The following SMCHD1 variants were observed in gnomAD, a reference collection of about 807,000 sequenced individuals.
The protein encoded by SMCHD1 is structural maintenance of chromosomes flexible hinge domain containing 1.
In SMCHD1, 78 loss-of-function variants were observed where a neutral mutation model predicts 254.7. The observed-to-expected ratio is 0.31, with a 90% CI of 0.26 to 0.37. SMCHD1 has a LOEUF of 0.37. Among genes scored for constraint, SMCHD1 ranks in the 10% least tolerant of loss-of-function variants. The probability of loss-of-function intolerance (pLI) is 1.00; values close to 1 mark genes in which losing one functional copy is unlikely to be tolerated. For missense variants in SMCHD1, 1,840 were observed against 2,408.1 expected (o/e 0.76, Z 4.94); for synonymous variants, 766 against 794.9 (o/e 0.96, Z 0.61).
At position 2,775,867 on chromosome 18, in the gene SMCHD1, G is replaced by A; in HGVS notation, c.5309G>A (p.Arg1770His). The A allele has an allele frequency of 1.9e-6, 3 of 1,611,506 alleles. No homozygotes were observed. Among genetic ancestry groups the A allele is most frequent in the Non-Finnish European group, 1.7e-6 (2 of 1,179,092 alleles). ...CGTATCTATGATGAAACCCAAGGTC[G>A]TCAGCAGGTGTTGCCCCTTGATTCT... is the stretch of plus-strand genomic sequence containing the variant. ...ARRIYDETQG[R>H]QQVLPLDSIY... is the part of the protein sequence containing the mutation. Residue 1770 changes from arginine to histidine, a missense_variant, in exon 42 of 48, where the codon CGT (arginine) becomes CAT (histidine). This residue lies in a region of SMCHD1 where 114 missense variants were observed against 217.6 expected (regional missense o/e 0.52). Transcript: ENST00000320876.
intron 3 of SMCHD1, among the ~76,000 whole-genome samples, chr18:2,669,220 G>A (rs1370434291): frequency 2.0e-5 from 3 of 152,078 alleles, no homozygotes; most frequent in African/African-American, 7.2e-5. Flanking sequence ...TTTGGTGCAT[G>A]CCTTGTTTAG....
intron 15 of SMCHD1, 176 bp from the exon 16 acceptor site, chr18:2,707,387 A>C: frequency 5.4e-6 from 2 of 369,210 alleles, no homozygotes; most frequent in East Asian, 4.1e-5. Context: ...TTCAGTAGCC[A>C]CAGGAATGGT....
intron 8 of SMCHD1, among the ~76,000 whole-genome samples, chr18:2,695,478 T>C (rs865857959): frequency 8.6e-5 from 13 of 151,874 alleles, no homozygotes; most frequent in African/African-American, 2.7e-4. Flanking sequence ...CTCAACTAAT[T>C]TTTGTATTTT....
chr18:2,664,019 C>G (rs966568029), intron 1 of SMCHD1, among the ~76,000 whole-genome samples: 1 of 151,898 alleles, frequency 6.6e-6, no homozygotes, highest in Non-Finnish European at 1.5e-5. Flanking sequence ...CCGGCCTATT[C>G]CAGGATATTT....
chr18:2,719,221 C>T (rs1451086590), intron 19 of SMCHD1, among the ~76,000 whole-genome samples: 4 of 150,416 alleles, frequency 2.7e-5, no homozygotes, highest in Non-Finnish European at 1.5e-5. Flanking sequence ...TTTTCTGTTC[C>T]TTTCCTTTCT....
At position 2,666,164 on chromosome 18, in the gene SMCHD1, G is replaced by A. The variant is rs981876921; in HGVS notation, c.194G>A (p.Gly65Asp). Reference protein sequence around the residue: ...GFRACVCQTLGISPEEKFVIT... With the variant: ...GFRACVCQTLDISPEEKFVIT... ...ATTTCTTATTTTGGATAGACACTTGGCATTTCACCTGAAGAAAAATTTGTT... is the reference window on the plus strand; with the variant it reads ...ATTTCTTATTTTGGATAGACACTTGACATTTCACCTGAAGAAAAATTTGTT... The change falls in exon 2 of 48, where the codon GGC becomes GAC. Residue 65 changes from glycine (G) to aspartate (D), a missense_variant. Physicochemically the swap from Gly to Asp is moderately conservative, Grantham distance 94. Transcript: ENST00000320876. The A allele has an allele frequency of 4.0e-6, 6 of 1,494,828 alleles. No homozygotes were observed. Among genetic ancestry groups the A allele is most frequent in the Admixed American group, 1.7e-5 (1 of 57,498 alleles). The allele number at this position is 1,494,828 out of a possible 1,614,324, so 92.6% of individuals were successfully genotyped here. A position where few individuals can be genotyped will look rare whatever the true frequency, so the allele number is the denominator to read the frequency against.
intron 34 of SMCHD1, 28 bp downstream of exon 34, chr18:2,752,580 A>AG: frequency 2.1e-6 from 3 of 1,416,760 alleles, no homozygotes; most frequent in Non-Finnish European, 3.0e-6. Flanking sequence ...TCATATTTTG[A>AG]ATACATATCT....
chr18:2,699,121 TC>T (rs2074344664), intron 10 of SMCHD1, among the ~76,000 whole-genome samples: 1 of 152,164 alleles, frequency 6.6e-6, no homozygotes, highest in South Asian at 2.1e-4. Flanking sequence ...CAACCAGAGA[TC>T]CTGATTCGAA....
chr18:2,729,942 G>A (rs1231358480), intron 24 of SMCHD1, among the ~76,000 whole-genome samples: 1 of 152,058 alleles, frequency 6.6e-6, no homozygotes, highest in Admixed American at 6.6e-5. Context: ...TCAACTTCCT[G>A]TCCACAAGCA....
At chr18:2,794,858 T>C (rs2076230006) in intron 45 of SMCHD1, among the ~76,000 whole-genome samples, 1 of 152,178 alleles carries the variant, frequency 6.6e-6, no homozygotes, top group Admixed American at 6.5e-5. Flanking sequence ...TAGTTTAAAA[T>C]AAGTTGGATT....
chr18:2,698,634 C>T (rs993029723), intron 10 of SMCHD1, among the ~76,000 whole-genome samples: 2 of 151,948 alleles, frequency 1.3e-5, no homozygotes, highest in Non-Finnish European at 2.9e-5. Context: ...TCCCAAAGTA[C>T]TAGGATTACA....
At chr18:2,790,089 G>A (rs898205114) in intron 45 of SMCHD1, among the ~76,000 whole-genome samples, 7 of 152,218 alleles carry the variant, frequency 4.6e-5, no homozygotes, top group Admixed American at 1.3e-4. Flanking sequence ...GGCTGAGGCC[G>A]GAGAATTGCT....
chr18:2,742,244 C>T (rs2075365731), intron 28 of SMCHD1, among the ~76,000 whole-genome samples: 1 of 152,144 alleles, frequency 6.6e-6, no homozygotes, highest in Non-Finnish European at 1.5e-5. Flanking sequence ...GCCAAGTGGA[C>T]TTTTTTTCTA....
chr18:2,656,104 G>A lies in SMCHD1; in HGVS notation c.29G>A (p.Gly10Asp), dbSNP rs920894669. ...GCAGCGGCGGACGGCGGCGGGCCTGGTGGGGCCTCTGTGGGGACTGAGGAG... is the reference window on the plus strand; with the variant it reads ...GCAGCGGCGGACGGCGGCGGGCCTGATGGGGCCTCTGTGGGGACTGAGGAG... MAAADGGGPGGASVGTEEDG... is the reference protein window; with the variant it reads MAAADGGGPDGASVGTEEDG... Residue 10 changes from glycine (G) to aspartate (D), a missense_variant, in exon 1 of 48, where the codon GGT becomes GAT. Gly to Asp is a moderately conservative substitution (Grantham distance 94, BLOSUM62 -1). This residue lies in a region of SMCHD1 where 115 missense variants were observed against 99.1 expected (regional missense o/e 1.16). Transcript: ENST00000320876. 1 of 1,428,452 alleles carries A rather than the reference G, an allele frequency of 7.0e-7. No individual in the cohort carries two copies. The highest frequency in any genetic ancestry group is 9.2e-7 in the Non-Finnish European group (1 of 1,089,664). 88.5% of individuals were successfully genotyped at this position (1,428,452 alleles called of 1,614,324 possible). A position where few individuals can be genotyped will look rare whatever the true frequency, so the allele number is the denominator to read the frequency against.
chr18:2,763,753 T>C lies in SMCHD1; in HGVS notation c.4683T>C (p.Leu1561=), dbSNP rs2075823923. The change falls in exon 37 of 48, where the codon CTT becomes CTC. Residue 1561 remains leucine (L), a synonymous_variant. Coordinates refer to ENST00000320876, the MANE Select transcript of SMCHD1 (RefSeq NM_015295.3). The part of the protein sequence containing the change: ...TPLFIGKVRT[L]EFPFVNGSAE... ...TTTTTATTGGGAAAGTTAGAACACTTGAATTCCCCTTCGTGAATGGTTCGG... is the reference window on the plus strand; with the variant it reads ...TTTTTATTGGGAAAGTTAGAACACTCGAATTCCCCTTCGTGAATGGTTCGG... 1.2e-6 allele frequency: 2 copies of C among 1,610,718 alleles called. No homozygotes were observed. The highest frequency in any genetic ancestry group is 1.7e-6 in the Non-Finnish European group (2 of 1,178,572).
At chr18:2,728,381 AG>A in intron 22 of SMCHD1, 75 bp from the exon 23 acceptor site, 1 of 1,369,920 alleles carries the variant, frequency 7.3e-7, no homozygotes, top group East Asian at 2.4e-5. Context: ...TTAATGTTAA[AG>A]TTATTTCTTT....
chr18:2,685,531 C>G (rs1028691749), intron 5 of SMCHD1, among the ~76,000 whole-genome samples: 9 of 152,120 alleles, frequency 5.9e-5, no homozygotes, highest in African/African-American at 2.2e-4. Context: ...TCTTTTACAA[C>G]TATTATTACT....
chr18:2,694,003 A>C (rs2074236956), intron 7 of SMCHD1, among the ~76,000 whole-genome samples: 1 of 152,142 alleles, frequency 6.6e-6, no homozygotes, highest in Non-Finnish European at 1.5e-5. Flanking sequence ...TTCCCCTACT[A>C]ACTCCCTTCC....
chr18:2,800,290 A>G (rs1436898066), intron 47 of SMCHD1, among the ~76,000 whole-genome samples: 1 of 152,094 alleles, frequency 6.6e-6, no homozygotes, highest in African/African-American at 2.4e-5. Flanking sequence ...CAGATTTTCA[A>G]CCCAAACTTT....
Sources: gnomAD v4.1 joint callset for allele counts (sites outside exome capture counted in the v4.1 genomes callset) on GRCh38, gnomAD v4.1.1 for gene constraint, gnomAD v4.1.1 regional missense constraint, MANE v1.5 for transcripts, NCBI Gene and HGNC (gene_info 2026-07-23, HGNC 2026-07-21) for gene names.